The following BABAM2 variants were observed in gnomAD, a reference collection of about 807,000 sequenced individuals.
BABAM2 encodes BRISC and BRCA1 A complex member 2, also known as BRISC and BRCA1-A complex member 2.
BABAM2 carries 31 observed loss-of-function variants against 54.7 expected under a neutral mutation model. That is an observed-to-expected ratio of 0.57 (90% confidence interval 0.43 to 0.77). BABAM2 has a LOEUF of 0.77. BABAM2 is among the 30% of genes least tolerant of loss of function. BABAM2 has a pLI of 0.00. For synonymous variants in BABAM2, 167 were observed against 162.9 expected (o/e 1.03, Z -0.19); for missense variants, 364 against 455.8 (o/e 0.80, Z 1.83).
intron 2 of BABAM2, among the ~76,000 whole-genome samples, chr2:27,907,114 G>T (rs1047417514): frequency 6.6e-6 from 1 of 152,018 alleles, no homozygotes; most frequent in Non-Finnish European, 1.5e-5. Flanking sequence ...TTTTGGTGCC[G>T]TGTTGCTTGA....
intron 3 of BABAM2, among the ~76,000 whole-genome samples, chr2:27,982,559 G>A (rs1283997447): frequency 6.6e-6 from 1 of 150,826 alleles, no homozygotes; most frequent in East Asian, 1.9e-4. Flanking sequence ...TTTTGCCTGT[G>A]GCTTTCCAGT....
intron 7 of BABAM2, among the ~76,000 whole-genome samples, chr2:28,203,016 C>G (rs1678449377): frequency 6.6e-6 from 1 of 152,102 alleles, no homozygotes; most frequent in Non-Finnish European, 1.5e-5. Context: ...GGCACATCCT[C>G]TCTTGTGTGT....
At chr2:27,982,887 A>G (rs867258085) in intron 3 of BABAM2, among the ~76,000 whole-genome samples, 75 of 151,404 alleles carry the variant, frequency 5.0e-4, no homozygotes, top group Middle Eastern at 3.2e-3. Context: ...ACACACATAT[A>G]TGTCACATTT....
intron 6 of BABAM2, among the ~76,000 whole-genome samples, chr2:28,069,971 G>C (rs1226676352): frequency 1.3e-5 from 2 of 152,180 alleles, no homozygotes; most frequent in African/African-American, 2.4e-5. Flanking sequence ...TAACTGCTGG[G>C]CTCAACTGAT....
chr2:28,078,105 C>T (rs776916139), intron 6 of BABAM2, among the ~76,000 whole-genome samples: 3 of 152,012 alleles, frequency 2.0e-5, no homozygotes, highest in African/African-American at 4.8e-5. Flanking sequence ...TCATGACATC[C>T]GGCTCTGTCC....
At chr2:28,259,112 T>C (rs1178181763) in intron 10 of BABAM2, among the ~76,000 whole-genome samples, 1 of 84,288 alleles carries the variant, frequency 1.2e-5, no homozygotes, top group Non-Finnish European at 2.2e-5. Context: ...TTTTTCAGAC[T>C]GAGTCTTGCT....
intron 7 of BABAM2, among the ~76,000 whole-genome samples, chr2:28,177,688 A>G (rs1372666911): frequency 6.7e-6 from 1 of 150,362 alleles, no homozygotes; most frequent in Non-Finnish European, 1.5e-5. Context: ...CTGAAAAGAT[A>G]CAGACTGGCT....
At chr2:28,196,642 A>T (rs1462243894) in intron 7 of BABAM2, among the ~76,000 whole-genome samples, 1 of 152,018 alleles carries the variant, frequency 6.6e-6, no homozygotes, top group Non-Finnish European at 1.5e-5. Context: ...CAGGAGTTTG[A>T]GACCAGCCTT....
Position 28,338,643 on chromosome 2 carries a change from C to G in BABAM2, c.*130C>G. On this transcript the variant is annotated 3_prime_UTR_variant, in exon 12 of 12. Transcript: ENST00000379624. ...TTTTGCTCACACAGCAGCTTTTGCACGCCCCAGGCAGCCCCGACTGCTGAA... is the reference window on the plus strand; with the variant it reads ...TTTTGCTCACACAGCAGCTTTTGCAGGCCCCAGGCAGCCCCGACTGCTGAA... 9.0e-7 allele frequency: 1 copy of G among 1,106,282 alleles called. No homozygotes were observed. The highest frequency in any genetic ancestry group is 2.4e-5 in the East Asian group (1 of 41,198). 68.5% of individuals were successfully genotyped at this position (1,106,282 alleles called of 1,614,324 possible). A position where few individuals can be genotyped will look rare whatever the true frequency, so the allele number is the denominator to read the frequency against.
At chr2:27,902,654 T>C (rs1338679663) in intron 2 of BABAM2, among the ~76,000 whole-genome samples, 1 of 152,182 alleles carries the variant, frequency 6.6e-6, no homozygotes, top group Non-Finnish European at 1.5e-5. Flanking sequence ...TTTCTTCCTT[T>C]GGGATATCCT....
intron 6 of BABAM2, among the ~76,000 whole-genome samples, chr2:28,116,030 G>A (rs750934674): frequency 2.0e-5 from 3 of 151,728 alleles, no homozygotes; most frequent in South Asian, 2.1e-4. Flanking sequence ...CAGGAGAATC[G>A]CTTGAACCTG....
chr2:28,091,653 T>TA (rs1666168288), intron 6 of BABAM2, among the ~76,000 whole-genome samples: 1 of 152,176 alleles, frequency 6.6e-6, no homozygotes, highest in Non-Finnish European at 1.5e-5. Flanking sequence ...TTCTGAGTCT[T>TA]AGAGAACTAT....
At chr2:28,158,198 T>C (rs1337486570) in intron 7 of BABAM2, among the ~76,000 whole-genome samples, 1 of 152,126 alleles carries the variant, frequency 6.6e-6, no homozygotes, top group Non-Finnish European at 1.5e-5. Context: ...ATGAAACAAC[T>C]AATGAACATA....
chr2:28,046,353 G>C (rs1272574167), intron 6 of BABAM2, among the ~76,000 whole-genome samples: 2 of 152,090 alleles, frequency 1.3e-5, no homozygotes, highest in Admixed American at 6.6e-5. Flanking sequence ...CCAGCTACTC[G>C]GGAGACTGAG....
chr2:28,216,634 T>C (rs908975351), intron 7 of BABAM2, among the ~76,000 whole-genome samples: 3 of 152,198 alleles, frequency 2.0e-5, no homozygotes, highest in African/African-American at 7.2e-5. Flanking sequence ...GTTGGCTCCA[T>C]TTCCCTCCTA....
At chr2:28,254,728 ATTTTTTTT>A (rs759661036) in intron 10 of BABAM2, among the ~76,000 whole-genome samples, 1 of 122,402 alleles carries the variant, frequency 8.2e-6, no homozygotes, top group Non-Finnish European at 1.7e-5. Context: ...TTTTTTTTCA[ATTTTTTTT>A]TTTTTTTTTT....
chr2:27,998,253 G>A (rs1673318082), intron 4 of BABAM2, among the ~76,000 whole-genome samples: 1 of 151,962 alleles, frequency 6.6e-6, no homozygotes, highest in Non-Finnish European at 1.5e-5. Context: ...GCTCTTTGTC[G>A]CCTCCTCTTC....
At chr2:28,117,045 G>A (rs1054401678) in intron 6 of BABAM2, among the ~76,000 whole-genome samples, 2 of 152,208 alleles carry the variant, frequency 1.3e-5, no homozygotes, top group Non-Finnish European at 2.9e-5. Context: ...TTGAAGAGGA[G>A]CAGTGAGTGC....
chr2:27,927,838 G>GTTTTTTTTT (rs376186465), intron 2 of BABAM2, among the ~76,000 whole-genome samples: 15 of 135,748 alleles, frequency 1.1e-4, no homozygotes, highest in Non-Finnish European at 1.7e-4. Context: ...TAAAGTTTCT[G>GTTTTTTTTT]TTTTTTTTTT....
Sources: allele counts gnomAD v4.1 joint callset (sites outside exome capture counted in the v4.1 genomes callset), GRCh38; gene constraint gnomAD v4.1.1; transcripts MANE v1.5; gene names NCBI Gene and HGNC (gene_info 2026-07-23, HGNC 2026-07-21).